Variants in MED27 observed in about 807,000 individuals in gnomAD.
MED27 encodes mediator complex subunit 27.
Under a neutral mutation model 38.2 loss-of-function variants are expected in MED27, and 30 were observed. The observed-to-expected ratio is 0.79, with a 90% CI of 0.59 to 1.07. The LOEUF is 1.07. MED27 is among the 50% of genes least tolerant of loss of function. The probability of loss-of-function intolerance (pLI) is 0.00; values close to 1 mark genes in which losing one functional copy is unlikely to be tolerated. For synonymous variants in MED27, 122 were observed against 153.5 expected (o/e 0.79, Z 1.52); for missense variants, 289 against 397.5 (o/e 0.73, Z 2.32).
At chr9:132,067,638 G>T (rs943525071) in intron 2 of MED27, among the ~76,000 whole-genome samples, 1 of 152,196 alleles carries the variant, frequency 6.6e-6, no homozygotes, top group Non-Finnish European at 1.5e-5. Flanking sequence ...CCATTTTCAC[G>T]TATGGACTCC....
At chr9:132,002,008 A>T (rs1832246696) in intron 3 of MED27, among the ~76,000 whole-genome samples, 1 of 152,222 alleles carries the variant, frequency 6.6e-6, no homozygotes, top group African/African-American at 2.4e-5. Context: ...CCTTACCTGC[A>T]GAGCAAAGCT....
At chr9:131,925,479 T>C (rs1028252673) in intron 4 of MED27, among the ~76,000 whole-genome samples, 14 of 152,166 alleles carry the variant, frequency 9.2e-5, no homozygotes, top group Non-Finnish European at 1.9e-4. Flanking sequence ...CGAATGACCA[T>C]TGATTGAAAA....
chr9:132,014,384 G>C lies in MED27; in HGVS notation c.432C>G (p.Ala144=), dbSNP rs1225335712. 1.9e-6 allele frequency: 3 copies of C among 1,613,156 alleles called. No homozygotes were observed. Among genetic ancestry groups the C allele is most frequent in the Non-Finnish European group, 2.5e-6 (3 of 1,179,948 alleles). Residue 144 remains alanine (A), a synonymous_variant, in exon 3 of 8, where the codon GCC becomes GCG. Transcript: ENST00000292035. ...TGGGCTGAGCCTTTGGTCTACGTTT[G>C]GCAGATACTCCCATCTGATTAGCGG... ...KRSANQMGVS[A]KRRPKAQPTT...
chr9:131,979,126 T>C (rs1217689069), intron 3 of MED27, among the ~76,000 whole-genome samples: 2 of 152,182 alleles, frequency 1.3e-5, no homozygotes, highest in African/African-American at 2.4e-5. Flanking sequence ...TTGGCATCAC[T>C]TGCCTTTTTC....
chr9:132,073,501 AT>A (rs1265544083), intron 2 of MED27: 20 of 1,270,502 alleles, frequency 1.6e-5, no homozygotes, highest in Admixed American at 3.9e-5. Flanking sequence ...TTTACCCTTA[AT>A]AGAGGACAGA....
chr9:132,017,771 C>A (rs1027639359), intron 2 of MED27, among the ~76,000 whole-genome samples: 1 of 152,128 alleles, frequency 6.6e-6, no homozygotes, highest in African/African-American at 2.4e-5. Context: ...CTATGAATGA[C>A]CTAGGATTTT....
intron 6 of MED27, among the ~76,000 whole-genome samples, chr9:131,874,664 G>A (rs145169584): frequency 1.2e-3 from 184 of 152,320 alleles, no homozygotes; most frequent in African/African-American, 4.2e-3. Flanking sequence ...CGCCTTCGGC[G>A]TCTGCCGAAG....
Position 131,913,607 on chromosome 9 carries a change from G to T in MED27, c.574-19615C>A, listed in dbSNP as rs902037416. ...TGTATTTCTCCCTGTTTGAAAGGCC[G>T]TTTGTTCGGCTTACCACAGTTGCAT... On this transcript the variant is annotated intron_variant, in intron 4 of 7. Transcript: ENST00000292035. This position sits in a 1 kb window ranked among gnomAD's most constrained non-coding sequence, Gnocchi z 4.5. 1.3e-5 allele frequency among the ~76,000 whole-genome samples: 2 copies of T among 152,108 alleles called. No homozygotes were observed. Among genetic ancestry groups the T allele is most frequent in the African/African-American group, 4.8e-5 (2 of 41,416 alleles).
At chr9:131,979,483 CAAAAAAA>C (rs36197993) in intron 3 of MED27, among the ~76,000 whole-genome samples, 1 of 127,740 alleles carries the variant, frequency 7.8e-6, no homozygotes. Flanking sequence ...AAAGCTGTTC[CAAAAAAA>C]AAAAAAAAAA....
At chr9:132,065,180 C>T (rs1833781524) in intron 2 of MED27, among the ~76,000 whole-genome samples, 1 of 152,208 alleles carries the variant, frequency 6.6e-6, no homozygotes, top group East Asian at 1.9e-4. Flanking sequence ...TATACACGTT[C>T]AAAATCTACA....
chr9:132,049,304 T>A (rs755685878), intron 2 of MED27, among the ~76,000 whole-genome samples: 1 of 152,160 alleles, frequency 6.6e-6, no homozygotes, highest in Non-Finnish European at 1.5e-5. Flanking sequence ...TTAGGACACA[T>A]TCATACAAGA....
chr9:132,052,601 C>A (rs567226585), intron 2 of MED27, among the ~76,000 whole-genome samples: 1 of 152,004 alleles, frequency 6.6e-6, no homozygotes, highest in Non-Finnish European at 1.5e-5. Context: ...GTGGTTTCAG[C>A]GTAACCATCA....
rs770867263 is a variant in MED27, at chr9:131,860,592, C to T, written c.882G>A (p.Pro294=). 1.6e-5 allele frequency: 25 copies of T among 1,601,810 alleles called. No homozygotes were observed. The highest frequency in any genetic ancestry group is 4.5e-5 in the East Asian group (2 of 44,460). Residue 294 remains proline (P), a synonymous_variant, in exon 8 of 8, where the codon CCG becomes CCA. Transcript: ENST00000292035. This position sits in a 1 kb window ranked among gnomAD's most constrained non-coding sequence, Gnocchi z 5.8. The stretch of plus-strand genomic sequence containing the variant: ...CGAGGGTTCGGAAATCCCTCCATGT[C>T]GGGGGAAGGCCGTCCTGCAGAAACT... The part of the protein sequence containing the change: ...CGKFLQDGLP[P]TWRDFRTLEA...
intron 1 of MED27, 23 bp downstream of exon 1, chr9:132,079,619 C>T: frequency 6.2e-7 from 1 of 1,611,768 alleles, no homozygotes; most frequent in Non-Finnish European, 8.5e-7. Flanking sequence ...TCCCCGACCC[C>T]GGCCCCTTCA....
At chr9:132,072,591 G>A (rs566503293) in intron 2 of MED27, among the ~76,000 whole-genome samples, 170 of 152,150 alleles carry the variant, frequency 1.1e-3, no homozygotes, top group Middle Eastern at 6.8e-3. Context: ...GGAGGGTGTA[G>A]GGTTCAAGGC....
At chr9:131,880,505 A>G (rs1323789300) in intron 6 of MED27, among the ~76,000 whole-genome samples, 1 of 152,222 alleles carries the variant, frequency 6.6e-6, no homozygotes, top group African/African-American at 2.4e-5. Flanking sequence ...CACTTAGTTA[A>G]TAATAGGTGA....
At chr9:131,999,872 T>C (rs564998394) in intron 3 of MED27, among the ~76,000 whole-genome samples, 17 of 152,148 alleles carry the variant, frequency 1.1e-4, no homozygotes, top group African/African-American at 4.1e-4. Context: ...CTTGGAGTGT[T>C]TGGACTTGTT....
chr9:131,938,718 C>CT lies in MED27; in HGVS notation c.573+662dup, dbSNP rs901000025. On this transcript the variant is annotated intron_variant, in intron 4 of 7. Coordinates refer to ENST00000292035, the MANE Select transcript of MED27 (RefSeq NM_004269.4). ...TTAAGAGAGTGTTTTCTTTTTTTTT[C>CT]TTTTTTTTTTTGAGAAGGAGTCTTG... 1.5e-3 allele frequency among the ~76,000 whole-genome samples: 217 copies of CT among 145,264 alleles called. No homozygotes were observed. In the East Asian group the frequency reaches 0.015, roughly 10 times the overall value.
intron 4 of MED27, among the ~76,000 whole-genome samples, chr9:131,927,596 G>A (rs1284754588): frequency 6.6e-6 from 1 of 152,138 alleles, no homozygotes; most frequent in Non-Finnish European, 1.5e-5. Flanking sequence ...GTTCACAATT[G>A]TGAAGGGGCC....
Sources: allele counts gnomAD v4.1 joint callset (sites outside exome capture counted in the v4.1 genomes callset), GRCh38; gene constraint gnomAD v4.1.1; non-coding constraint Gnocchi (gnomAD v3.1); transcripts MANE v1.5; gene names NCBI Gene and HGNC (gene_info 2026-07-23, HGNC 2026-07-21).